The following EYS variants were observed in gnomAD, a reference collection of about 807,000 sequenced individuals.
The protein encoded by EYS is protein eyes shut homolog.
EYS carries 250 observed loss-of-function variants against 282.1 expected under a neutral mutation model. That is an observed-to-expected ratio of 0.89 (90% CI 0.80 to 0.98). The LOEUF is 0.98. Ranked by LOEUF, EYS falls within the 50% of genes least tolerant of loss-of-function variation. The pLI is 0.00. For missense variants in EYS, 4,016 were observed against 3,709.0 expected (o/e 1.08, Z -2.15); for synonymous variants, 1,355 against 1,282.9 (o/e 1.06, Z -1.20).
intron 22 of EYS, among the ~76,000 whole-genome samples, chr6:64,640,562 A>G (rs1475837059): frequency 3.4e-5 from 5 of 148,636 alleles, no homozygotes; most frequent in Non-Finnish European, 7.4e-5. Context: ...CACTCTGGGG[A>G]CTGTTGTGGG....
At chr6:65,245,653 C>T (rs1430192024) in intron 12 of EYS, among the ~76,000 whole-genome samples, 1 of 151,570 alleles carries the variant, frequency 6.6e-6, no homozygotes, top group Non-Finnish European at 1.5e-5. Context: ...TACATTTTTA[C>T]TAGTGTTCAG....
chr6:63,874,067 C>T (rs1211191952), intron 35 of EYS, among the ~76,000 whole-genome samples: 2 of 152,238 alleles, frequency 1.3e-5, no homozygotes, highest in East Asian at 3.9e-4. Context: ...GAAGTCCTTG[C>T]CCATGCCTAT....
intron 24 of EYS, among the ~76,000 whole-genome samples, chr6:64,616,744 T>C (rs1324636649): frequency 6.6e-6 from 1 of 152,134 alleles, no homozygotes; most frequent in Non-Finnish European, 1.5e-5. Flanking sequence ...TCTAGTCACC[T>C]GACTATACCC....
chr6:64,803,646 G>T (rs1442446795), intron 22 of EYS, among the ~76,000 whole-genome samples: 6 of 152,164 alleles, frequency 3.9e-5, no homozygotes, highest in Admixed American at 3.3e-4. Flanking sequence ...AGGGGCGTCT[G>T]CAGGTCCATA....
At chr6:65,096,961 C>T (rs1774757797) in intron 12 of EYS, among the ~76,000 whole-genome samples, 1 of 150,436 alleles carries the variant, frequency 6.6e-6, no homozygotes, top group African/African-American at 2.4e-5. Context: ...GATATGATGC[C>T]AAAAGAACAG....
intron 12 of EYS, among the ~76,000 whole-genome samples, chr6:65,100,180 A>C (rs1300211295): frequency 6.6e-6 from 1 of 150,880 alleles, no homozygotes; most frequent in Non-Finnish European, 1.5e-5. Context: ...GATATGATGC[A>C]AATAATATTA....
intron 12 of EYS, among the ~76,000 whole-genome samples, chr6:65,264,380 T>A (rs1174946950): frequency 1.3e-5 from 2 of 152,164 alleles, no homozygotes; most frequent in East Asian, 3.8e-4. Flanking sequence ...TTTCATTACT[T>A]TTAAACATGC....
intron 29 of EYS, among the ~76,000 whole-genome samples, chr6:64,385,744 T>C (rs114592988): frequency 2.4e-4 from 37 of 152,344 alleles, no homozygotes; most frequent in African/African-American, 8.2e-4. Flanking sequence ...AACCACTCTG[T>C]TGCTTCTTCC....
At chr6:64,801,915 A>G (rs968852528) in intron 22 of EYS, among the ~76,000 whole-genome samples, 3 of 151,544 alleles carry the variant, frequency 2.0e-5, no homozygotes, top group East Asian at 1.9e-4. Flanking sequence ...ATCTTTGCCT[A>G]TCTCATGAAG....
At chr6:65,384,579 G>A in intron 7 of EYS, 79 bp from the exon 8 acceptor site, 1 of 743,480 alleles carries the variant, frequency 1.3e-6, no homozygotes, top group Non-Finnish European at 2.3e-6. Context: ...ATTCCAAAAG[G>A]AATAAGGCTT....
chr6:63,740,718 AC>A (rs1769054196), intron 41 of EYS, among the ~76,000 whole-genome samples: 2 of 152,226 alleles, frequency 1.3e-5, no homozygotes, highest in African/African-American at 4.8e-5. Context: ...GATAGTTGAT[AC>A]TTTTATTGTT....
chr6:64,529,065 T>C (rs2150530435), intron 26 of EYS, among the ~76,000 whole-genome samples: 1 of 152,106 alleles, frequency 6.6e-6, no homozygotes, highest in East Asian at 1.9e-4. Context: ...TATCCTCCCA[T>C]AAAACACTAC....
At position 65,296,240 on chromosome 6, in the gene EYS, G is replaced by A. The variant is rs1365389184; in HGVS notation, c.1767-121C>T. The stretch of plus-strand genomic sequence containing the variant: ...TAAATATTTAATGAAGATAGTTGTG[G>A]GGTGCATTTAAAAAATATTTTCATA... On this transcript the variant is annotated intron_variant, in intron 11 of 42. Transcript: ENST00000503581. The A allele has an allele frequency of 5.6e-6, 6 of 1,080,332 alleles. No individual in the cohort carries two copies. The African/African-American group carries it at 9.8e-5, about 18-fold the overall frequency. 66.9% of individuals were successfully genotyped at this position (1,080,332 alleles called of 1,614,324 possible).
chr6:63,782,904 G>C (rs559487301), intron 39 of EYS, among the ~76,000 whole-genome samples: 1 of 149,230 alleles, frequency 6.7e-6, no homozygotes, highest in South Asian at 2.1e-4. Context: ...CCATTTGACT[G>C]ACTAGGTACC....
intron 2 of EYS, among the ~76,000 whole-genome samples, chr6:65,618,483 T>G (rs1300341863): frequency 6.6e-5 from 10 of 152,192 alleles, no homozygotes; most frequent in Admixed American, 1.3e-4. Context: ...GTTGCAAAAA[T>G]TTTTTCCTAT....
chr6:64,357,560 A>C (rs1333478345), intron 29 of EYS, among the ~76,000 whole-genome samples: 1 of 151,596 alleles, frequency 6.6e-6, no homozygotes, highest in African/African-American at 2.4e-5. Flanking sequence ...AGCATTACAT[A>C]AAGGGATGTG....
chr6:64,239,942 G>A (rs1425177103), intron 30 of EYS, among the ~76,000 whole-genome samples: 3 of 152,300 alleles, frequency 2.0e-5, no homozygotes, highest in East Asian at 1.9e-4. Context: ...AAGGCGTAAG[G>A]AAGGGATCCA....
intron 12 of EYS, among the ~76,000 whole-genome samples, chr6:65,058,732 C>T (rs1460997730): frequency 6.6e-6 from 1 of 150,674 alleles, no homozygotes; most frequent in African/African-American, 2.4e-5. Context: ...CTAAAGCTGA[C>T]CTTTCTTATT....
chr6:64,764,779 T>C (rs183365377), intron 22 of EYS, among the ~76,000 whole-genome samples: 107 of 152,300 alleles, frequency 7.0e-4, no homozygotes, highest in Middle Eastern at 6.8e-3. Context: ...GCACTTGTCA[T>C]CCTGGCTGGA....
Sources: gnomAD v4.1 joint callset for allele counts (sites outside exome capture counted in the v4.1 genomes callset) on GRCh38, gnomAD v4.1.1 for gene constraint, MANE v1.5 for transcripts, NCBI Gene and HGNC (gene_info 2026-07-23, HGNC 2026-07-21) for gene names.